UNKL: variants seen among roughly 807,000 people sequenced by gnomAD.
UNKL encodes the protein putative E3 ubiquitin-protein ligase UNKL.
Under a neutral mutation model 78.0 loss-of-function variants are expected in UNKL, and 60 were observed. The ratio of observed to expected loss-of-function variants is 0.77; its 90% confidence interval spans 0.63 to 0.95. UNKL has a LOEUF of 0.95. UNKL is among the 40% of genes least tolerant of loss of function. The pLI, the probability that UNKL is intolerant of heterozygous loss-of-function variation, is 0.00. For synonymous variants in UNKL, 608 were observed against 474.8 expected, an observed-to-expected ratio of 1.28 and a Z score of -3.65; for missense variants, 1,159 against 1,045.7, an observed-to-expected ratio of 1.11 and a Z score of -1.49.
intron 6 of UNKL, chr16:1,395,862 C>T (rs1422213245): frequency 8.7e-5 from 37 of 426,440 alleles, no homozygotes; most frequent in Admixed American, 6.1e-4. Context: ...AAGCATGATG[C>T]GCGTCTGTGA....
At position 1,367,308 on chromosome 16, in the gene UNKL, C is replaced by T. The variant is rs1215035254; in HGVS notation, c.1830G>A (p.Glu610=). 2 of 1,551,910 alleles carry T rather than the reference C, an allele frequency of 1.3e-6. No homozygotes were observed. The highest frequency in any genetic ancestry group is 1.2e-5 in the South Asian group (1 of 84,536). Residue 610 remains glutamate (E), a synonymous_variant, in exon 14 of 15, where the codon GAG becomes GAA. Coordinates refer to ENST00000389221, the MANE Select transcript of UNKL (RefSeq NM_001372107.1). ...AWQREAQEAK[E]RARVADSDRQ... ...GGTCGCTATCGGCCACACGGGCACG[C>T]TCCTTGGCCTCCTGCGCCTCTCGCT...
chr16:1,385,448 G>C (rs117511213), intron 9 of UNKL, 63 bp from the exon 10 acceptor site: 52,777 of 1,274,178 alleles, frequency 0.041, 1,258 homozygotes, highest in South Asian at 0.071. Context: ...GCGCCACGTC[G>C]GCACCCTGCA....
intron 5 of UNKL, chr16:1,398,710 T>C: frequency 5.3e-6 from 3 of 565,234 alleles, no homozygotes; most frequent in Non-Finnish European, 7.4e-6. Context: ...AGGTGCAAAC[T>C]GCAGACAGGA....
intron 12 of UNKL, chr16:1,369,838 G>A (rs1425201496): frequency 9.6e-7 from 1 of 1,038,740 alleles, no homozygotes; most frequent in African/African-American, 1.6e-5. Context: ...AGCTGGGCGT[G>A]GTGGCGCCCG....
In UNKL at chr16:1,377,769, T is replaced by C. The variant is rs566077770; in HGVS notation, c.1265-6158A>G. ...TTCCTCCTCCCTGGCAAAGGATCCC[T>C]TGCTTGTTCCCATGGCCCCACTGCA... On this transcript the variant is annotated intron_variant, in intron 10 of 14. Transcript: ENST00000389221. Among the ~76,000 whole-genome samples the C allele has an allele frequency of 1.5e-4, 23 of 152,216 alleles. No individual in the cohort carries two copies. In the South Asian group the frequency reaches 4.6e-3, roughly 30 times the overall value.
chr16:1,402,375 T>C lies in UNKL; in HGVS notation c.465-674A>G, dbSNP rs376793596. The stretch of plus-strand genomic sequence containing the variant: ...AAGGACTGTCTCATTAGAAATAACA[T>C]CCAGAGGCCAGGTGCAGCGGCTCAC... On this transcript the variant is annotated intron_variant, in intron 3 of 14. Coordinates refer to ENST00000389221, the MANE Select transcript of UNKL (RefSeq NM_001372107.1). 3.3e-5 allele frequency among the ~76,000 whole-genome samples: 5 copies of C among 152,098 alleles called. No homozygotes were observed. The East Asian group carries it at 7.7e-4, about 23-fold the overall frequency.
chr16:1,410,211 G>C (rs991287352), intron 2 of UNKL, among the ~76,000 whole-genome samples: 2 of 151,708 alleles, frequency 1.3e-5, no homozygotes, highest in Non-Finnish European at 2.9e-5. Flanking sequence ...GGCTGCAGTG[G>C]GCTGTAATGG....
In UNKL at chr16:1,380,673, A is replaced by ATTTTTTTTTTTTTTTTTTTT. The variant is rs57595079; in HGVS notation, c.1264+4534_1264+4535insAAAAAAAAAAAAAAAAAAAA. Among the ~76,000 whole-genome samples, 17 of 99,396 alleles carry ATTTTTTTTTTTTTTTTTTTT rather than the reference A, an allele frequency of 1.7e-4. 1 individual carries two copies. Among genetic ancestry groups the ATTTTTTTTTTTTTTTTTTTT allele is most frequent in the African/African-American group, 6.5e-4 (16 of 24,752 alleles). 65.2% of individuals were successfully genotyped at this position (99,396 alleles called of 152,430 possible). A position where few individuals can be genotyped will look rare whatever the true frequency, so the allele number is the denominator to read the frequency against. On this transcript the variant is annotated intron_variant, in intron 10 of 14. Transcript: ENST00000389221. Reference sequence around the variant, plus strand: ...TTCACCTCTGAGTAGCTGGTTCAGGATTTTTTTTTTTTTTTTTTTGAGAAC... The same window carrying ATTTTTTTTTTTTTTTTTTTT: ...TTCACCTCTGAGTAGCTGGTTCAGGATTTTTTTTTTTTTTTTTTTTTTTTTTTTTTTTTTTTTTTGAGAAC...
At chr16:1,382,430 C>T (rs2036636785) in intron 10 of UNKL, among the ~76,000 whole-genome samples, 1 of 152,202 alleles carries the variant, frequency 6.6e-6, no homozygotes, top group Non-Finnish European at 1.5e-5. Context: ...ACGAAACAAA[C>T]GCAAACACTG....
At chr16:1,396,194 A>G (rs908267992) in intron 6 of UNKL, among the ~76,000 whole-genome samples, 2 of 144,078 alleles carry the variant, frequency 1.4e-5, no homozygotes, top group Non-Finnish European at 1.5e-5. Flanking sequence ...TGCCCACCTC[A>G]GCCTTCCAAA....
chr16:1,377,606 C>T (rs1231425939), intron 10 of UNKL, among the ~76,000 whole-genome samples: 1 of 152,104 alleles, frequency 6.6e-6, no homozygotes, highest in African/African-American at 2.4e-5. Context: ...CCCTGAACTG[C>T]CTCTTGTCAT....
chr16:1,377,566 C>T (rs1335584675), intron 10 of UNKL, among the ~76,000 whole-genome samples: 1 of 152,112 alleles, frequency 6.6e-6, no homozygotes, highest in South Asian at 2.1e-4. Context: ...ACCGCTGCCC[C>T]GGGCCCTTCC....
rs544345454 is a variant in UNKL at position 1,389,144 on chromosome 16, G to C, written c.1086+1488C>G. On this transcript the variant is annotated intron_variant, in intron 9 of 14. Transcript: ENST00000389221. ...ACCTCCTGTGAGTGGAATCACGCAG[G>C]TTTTGCCTTTCGGTAACTGGCTCAT... Among the ~76,000 whole-genome samples the C allele has an allele frequency of 2.6e-5, 4 of 152,230 alleles. No individual in the cohort carries two copies. In the East Asian group the frequency reaches 5.8e-4, roughly 22 times the overall value.
Position 1,367,867 on chromosome 16 carries a change from G to C in UNKL, c.1586-9C>G. 6.4e-7 allele frequency: 1 copy of C among 1,552,110 alleles called. No homozygotes were observed. The highest frequency in any genetic ancestry group is 8.7e-7 in the Non-Finnish European group (1 of 1,147,974). On this transcript the variant is annotated splice_polypyrimidine_tract_variant and intron_variant, in intron 12 of 14. Transcript: ENST00000389221. ...GGGGACACCGTTCAAACCTGAGTGT[G>C]AAACGGTCGATGACGGCCCAGCCCT...
chr16:1,411,599 G>C (rs944402187), intron 2 of UNKL, among the ~76,000 whole-genome samples: 2 of 152,054 alleles, frequency 1.3e-5, no homozygotes, highest in Admixed American at 6.5e-5. Flanking sequence ...CGCCGAGGCG[G>C]GCAGATCACG....
In UNKL at chr16:1,389,321, C is replaced by A. The variant is rs189415551; in HGVS notation, c.1086+1311G>T. 2.7e-4 allele frequency among the ~76,000 whole-genome samples: 41 copies of A among 152,308 alleles called. 1 individual carries two copies. In the East Asian group the frequency reaches 6.0e-3, roughly 22 times the overall value. Reference sequence around the variant, plus strand: ...AGTTCTTACTCCAGGCGTGGAGGCTCACACCTGTAATCCCAACACTTTGGG... The same window carrying A: ...AGTTCTTACTCCAGGCGTGGAGGCTAACACCTGTAATCCCAACACTTTGGG... On this transcript the variant is annotated intron_variant, in intron 9 of 14. Transcript: ENST00000389221.
At chr16:1,413,716 G>A (rs1463394531) in intron 2 of UNKL, 130 bp downstream of exon 2, 2 of 1,043,352 alleles carry the variant, frequency 1.9e-6, no homozygotes, top group African/African-American at 1.6e-5. Context: ...AAATTTCAGC[G>A]TATAATTACG....
intron 10 of UNKL, chr16:1,379,100 C>T (rs1336490132): frequency 6.6e-6 from 1 of 152,402 alleles, no homozygotes; most frequent in African/African-American, 2.4e-5. Flanking sequence ...CACAGCCCGG[C>T]TCTGCCGTGA....
In UNKL at chr16:1,399,357, C is replaced by T. The variant is rs768862371; in HGVS notation, c.734+17G>A. The stretch of plus-strand genomic sequence containing the variant: ...CCCACCAGCCGGAGTCCTCTGAGCA[C>T]GGTCCCGCAGGCTCACCTGTACTGG... On this transcript the variant is annotated intron_variant, in intron 5 of 14. Coordinates refer to ENST00000389221, the MANE Select transcript of UNKL (RefSeq NM_001372107.1). The surrounding 1 kb of genome is among the most constrained non-coding windows in gnomAD (Gnocchi z 5.8). The T allele has an allele frequency of 1.1e-5, 17 of 1,565,342 alleles. No homozygotes were observed. The African/African-American group carries it at 1.4e-4, about 13-fold the overall frequency.
Sources: allele counts gnomAD v4.1 joint callset (sites outside exome capture counted in the v4.1 genomes callset), GRCh38; gene constraint gnomAD v4.1.1; non-coding constraint Gnocchi (gnomAD v3.1); transcripts MANE v1.5; gene names NCBI Gene and HGNC (gene_info 2026-07-23, HGNC 2026-07-21).